PARN: variants seen among roughly 807,000 people sequenced by gnomAD.
PARN encodes poly(A)-specific ribonuclease PARN.
PARN carries 71 observed loss-of-function variants against 102.8 expected under a neutral mutation model. The observed-to-expected ratio is 0.69, with a 90% confidence interval of 0.57 to 0.84. The LOEUF is 0.84. Among genes scored for constraint, PARN ranks in the 40% least tolerant of loss-of-function variants. The pLI is 0.00. For synonymous variants in PARN, 261 were observed against 252.9 expected (o/e 1.03, Z -0.30); for missense variants, 782 against 760.9 (o/e 1.03, Z -0.33).
chr16:14,570,893 A>G (rs912902850), intron 18 of PARN, among the ~76,000 whole-genome samples: 2 of 150,346 alleles, frequency 1.3e-5, no homozygotes, highest in East Asian at 2.0e-4. Flanking sequence ...GCTGAGGCAG[A>G]AGGATCATTT....
chr16:14,494,670 C>T (rs1156648678), intron 21 of PARN, among the ~76,000 whole-genome samples: 2 of 152,158 alleles, frequency 1.3e-5, no homozygotes, highest in South Asian at 2.1e-4. Flanking sequence ...CGCAGAGGAG[C>T]GCCACACTGA....
At chr16:14,581,000 A>G in intron 17 of PARN, 57 bp from the exon 18 acceptor site, 1 of 1,008,914 alleles carries the variant, frequency 9.9e-7, no homozygotes, top group Non-Finnish European at 1.6e-6. Context: ...CCAAGCCTGA[A>G]AGTTCAGACC....
At chr16:14,568,137 T>C (rs1360280875) in intron 18 of PARN, among the ~76,000 whole-genome samples, 1 of 151,954 alleles carries the variant, frequency 6.6e-6, no homozygotes. Context: ...ATCTTTTGGG[T>C]CCAGAAGTTC....
At chr16:14,607,359 C>T (rs757294763) in intron 9 of PARN, among the ~76,000 whole-genome samples, 14 of 152,058 alleles carry the variant, frequency 9.2e-5, no homozygotes, top group Non-Finnish European at 2.1e-4. Flanking sequence ...AGGCATGTGC[C>T]ACCATGTCCG....
At chr16:14,542,568 A>C (rs2911480) in intron 21 of PARN, among the ~76,000 whole-genome samples, 6 of 140,978 alleles carry the variant, frequency 4.3e-5, no homozygotes, top group Admixed American at 4.2e-4. Context: ...CAAAAAAATT[A>C]AAAAAAAAAA....
At chr16:14,553,081 G>A (rs1234314326) in intron 20 of PARN, among the ~76,000 whole-genome samples, 1 of 151,550 alleles carries the variant, frequency 6.6e-6, no homozygotes, top group Non-Finnish European at 1.5e-5. Flanking sequence ...AGGCACTGCT[G>A]TGAAAGTCTA....
chr16:14,530,695 C>T (rs886638280), intron 21 of PARN, among the ~76,000 whole-genome samples: 1 of 152,118 alleles, frequency 6.6e-6, no homozygotes, highest in African/African-American at 2.4e-5. Flanking sequence ...TAAACTTCCG[C>T]CTTCGTTCAT....
chr16:14,570,575 G>A (rs1443403190), intron 18 of PARN, among the ~76,000 whole-genome samples: 1 of 151,202 alleles, frequency 6.6e-6, no homozygotes, highest in Non-Finnish European at 1.5e-5. Flanking sequence ...CCTTGAACCT[G>A]GGAGGCGGAG....
In PARN at chr16:14,630,174, C is replaced by T. The variant is rs1316888043; in HGVS notation, c.-49G>A. On this transcript the variant is annotated 5_prime_UTR_variant, in exon 1 of 24. Coordinates refer to ENST00000437198, the MANE Select transcript of PARN (RefSeq NM_002582.4). ...GCCCCACCCGGGCCCGCGCCCGCCT[C>T]AGCGGTTCTACTCGCCGAATTCCGC... 6.5e-7 allele frequency: 1 copy of T among 1,528,428 alleles called. No individual in the cohort carries two copies. The highest frequency in any genetic ancestry group is 8.9e-7 in the Non-Finnish European group (1 of 1,128,164). The allele number at this position is 1,528,428 out of a possible 1,614,324, so 94.7% of individuals were successfully genotyped here. A position where few individuals can be genotyped will look rare whatever the true frequency, so the allele number is the denominator to read the frequency against.
Position 14,585,289 on chromosome 16 carries a change from A to G in PARN, c.963-498T>C, listed in dbSNP as rs1220185344. 2.0e-5 allele frequency among the ~76,000 whole-genome samples: 3 copies of G among 150,980 alleles called. No homozygotes were observed. In the East Asian group the frequency reaches 5.8e-4, roughly 29 times the overall value. ...TTTCACGCTGTTGTTTTTATTTCTTATTATTCTATTTCAGAGATCAGAAAC... is the reference window on the plus strand; with the variant it reads ...TTTCACGCTGTTGTTTTTATTTCTTGTTATTCTATTTCAGAGATCAGAAAC... On this transcript the variant is annotated intron_variant, in intron 14 of 23. Coordinates refer to ENST00000437198, the MANE Select transcript of PARN (RefSeq NM_002582.4).
chr16:14,499,051 C>T (rs1181688538), intron 21 of PARN, among the ~76,000 whole-genome samples: 2 of 152,242 alleles, frequency 1.3e-5, no homozygotes, highest in African/African-American at 2.4e-5. Flanking sequence ...AATGATTCTA[C>T]ACTTGTATTG....
intron 12 of PARN, among the ~76,000 whole-genome samples, chr16:14,594,667 G>A (rs1035686023): frequency 1.3e-5 from 2 of 152,184 alleles, no homozygotes; most frequent in Non-Finnish European, 2.9e-5. Context: ...AGTGAGCTGA[G>A]ATCGCACCAC....
intron 23 of PARN, among the ~76,000 whole-genome samples, chr16:14,439,602 C>G (rs560256159): frequency 2.6e-4 from 40 of 152,264 alleles, no homozygotes; most frequent in Admixed American, 1.2e-3. Context: ...ATATTTGCAA[C>G]TTAGAGTTAT....
In PARN at chr16:14,563,278, C is replaced by T. The variant is rs920596658; in HGVS notation, c.1263-7569G>A. On this transcript the variant is annotated intron_variant, in intron 18 of 23. Coordinates refer to ENST00000437198, the MANE Select transcript of PARN (RefSeq NM_002582.4). Reference sequence around the variant, plus strand: ...AGAGGAGGAGCGTGAATCAGACAGGCGGCCACTTTAAGAAGCAGTTAGCAA... The same window carrying T: ...AGAGGAGGAGCGTGAATCAGACAGGTGGCCACTTTAAGAAGCAGTTAGCAA... Among the ~76,000 whole-genome samples, 5 of 152,256 alleles carry T rather than the reference C, an allele frequency of 3.3e-5. No homozygotes were observed. In the South Asian group the frequency reaches 8.3e-4, roughly 25 times the overall value.
At chr16:14,470,393 T>A (rs1204576260) in intron 22 of PARN, among the ~76,000 whole-genome samples, 2 of 151,348 alleles carry the variant, frequency 1.3e-5, no homozygotes, top group Non-Finnish European at 2.9e-5. Context: ...TTTAATGAAA[T>A]AATTACAAAT....
chr16:14,463,285 C>T (rs1429668570), intron 22 of PARN, among the ~76,000 whole-genome samples: 3 of 152,058 alleles, frequency 2.0e-5, no homozygotes, highest in Admixed American at 1.3e-4. Context: ...GGAAACAAAG[C>T]TCAAGAACAT....
At chr16:14,453,410 A>C (rs1022683724) in intron 22 of PARN, among the ~76,000 whole-genome samples, 1 of 152,218 alleles carries the variant, frequency 6.6e-6, no homozygotes, top group Non-Finnish European at 1.5e-5. Flanking sequence ...CAATAACAAA[A>C]ATCTAGCTGC....
chr16:14,452,788 A>G (rs1323284564), intron 22 of PARN, among the ~76,000 whole-genome samples: 1 of 152,234 alleles, frequency 6.6e-6, no homozygotes, highest in African/African-American at 2.4e-5. Flanking sequence ...TTCTGTATCT[A>G]TATGTATGTA....
At chr16:14,580,120 C>T (rs1337057399) in intron 18 of PARN, among the ~76,000 whole-genome samples, 2 of 152,104 alleles carry the variant, frequency 1.3e-5, no homozygotes, top group African/African-American at 2.4e-5. Context: ...TACAGGCGCC[C>T]GCCACCGTGC....
Sources: gnomAD v4.1 joint callset for allele counts (sites outside exome capture counted in the v4.1 genomes callset) on GRCh38, gnomAD v4.1.1 for gene constraint, MANE v1.5 for transcripts, NCBI Gene and HGNC (gene_info 2026-07-23, HGNC 2026-07-21) for gene names.